The following CCDC6 variants were observed in gnomAD, a reference collection of about 807,000 sequenced individuals.
CCDC6 encodes coiled-coil domain-containing protein 6.
Under a neutral mutation model 56.6 loss-of-function variants are expected in CCDC6, and 20 were observed. That is an observed-to-expected ratio of 0.35 (90% CI 0.25 to 0.51). The LOEUF (loss-of-function observed/expected upper bound fraction) is 0.51, where lower values mean the gene tolerates loss of function less well. Among genes scored for constraint, CCDC6 ranks in the 20% least tolerant of loss-of-function variants. CCDC6 has a pLI of 0.95. For missense variants in CCDC6, 367 were observed against 601.1 expected (o/e 0.61, Z 4.07); for synonymous variants, 241 against 234.4 (o/e 1.03, Z -0.26).
intron 1 of CCDC6, among the ~76,000 whole-genome samples, chr10:59,897,942 G>C (rs1401478155): frequency 6.6e-6 from 1 of 152,148 alleles, no homozygotes; most frequent in Non-Finnish European, 1.5e-5. Flanking sequence ...AGATGCCCTG[G>C]TGGGTATTAC....
chr10:59,883,821 T>C (rs1414370723), intron 1 of CCDC6, among the ~76,000 whole-genome samples: 6 of 152,234 alleles, frequency 3.9e-5, no homozygotes, highest in African/African-American at 1.4e-4. Context: ...GAGCCTGCTT[T>C]AAGAAACTCT....
At chr10:59,871,116 GAATA>G (rs2071225609) in intron 1 of CCDC6, among the ~76,000 whole-genome samples, 1 of 152,074 alleles carries the variant, frequency 6.6e-6, no homozygotes, top group Non-Finnish European at 1.5e-5. Flanking sequence ...TATTTAACAA[GAATA>G]TATAAATAAA....
At chr10:59,842,760 T>C (rs1336378263) in intron 2 of CCDC6, among the ~76,000 whole-genome samples, 2 of 149,982 alleles carry the variant, frequency 1.3e-5, no homozygotes, top group African/African-American at 4.9e-5. Context: ...ATTTTTTTTT[T>C]TTTTTTTTTT....
chr10:59,792,543 GA>G lies in CCDC6; in HGVS notation c.*373del, dbSNP rs539168088. The G allele has an allele frequency of 1.4e-4, 74 of 522,178 alleles. No individual in the cohort carries two copies. In the Middle Eastern group the frequency reaches 1.5e-3, roughly 10 times the overall value. 32.3% of individuals were successfully genotyped at this position (522,178 alleles called of 1,614,324 possible). ...CTCAGTAATTTTCTGCAGATTCATGGAAAAAAATATAAAAAAGATATCCCTT... is the reference window on the plus strand; with the variant it reads ...CTCAGTAATTTTCTGCAGATTCATGGAAAAAATATAAAAAAGATATCCCTT... On this transcript the variant is annotated 3_prime_UTR_variant, in exon 9 of 9. Transcript: ENST00000263102.
intron 1 of CCDC6, among the ~76,000 whole-genome samples, chr10:59,881,714 C>G (rs1250338425): frequency 6.6e-6 from 1 of 152,184 alleles, no homozygotes; most frequent in East Asian, 1.9e-4. Flanking sequence ...GCTGAACATC[C>G]TGGCTGCCTA....
intron 1 of CCDC6, among the ~76,000 whole-genome samples, chr10:59,856,427 AT>A (rs2071081111): frequency 6.6e-6 from 1 of 152,148 alleles, no homozygotes; most frequent in Non-Finnish European, 1.5e-5. Context: ...ACCATGCATC[AT>A]AAAAAAAGTA....
At chr10:59,869,389 CAAAAAAAAAAAAAAAA>C (rs1167007522) in intron 1 of CCDC6, among the ~76,000 whole-genome samples, 25 of 6,100 alleles carry the variant, frequency 4.1e-3, no homozygotes, top group East Asian at 0.027. Flanking sequence ...CTTGCTCAGG[CAAAAAAAAAAAAAAAA>C]AAAAAAAAAA....
intron 2 of CCDC6, among the ~76,000 whole-genome samples, chr10:59,838,075 C>T (rs958418127): frequency 6.6e-6 from 1 of 152,090 alleles, no homozygotes; most frequent in Non-Finnish European, 1.5e-5. Context: ...ATTCAGACTC[C>T]CACTTCAAAC....
intron 2 of CCDC6, among the ~76,000 whole-genome samples, chr10:59,842,547 C>G (rs2070948765): frequency 6.6e-6 from 1 of 152,234 alleles, no homozygotes; most frequent in East Asian, 1.9e-4. Context: ...CTTGTATAAA[C>G]CCAGCATGGT....
chr10:59,862,500 A>ATTATATATATATATAT (rs1311584688), intron 1 of CCDC6, among the ~76,000 whole-genome samples: 2 of 99,278 alleles, frequency 2.0e-5, no homozygotes, highest in African/African-American at 5.4e-5. Context: ...GAAAAAAAAA[A>ATTATATATATATATAT]GTATATATAT....
intron 3 of CCDC6, among the ~76,000 whole-genome samples, chr10:59,822,720 G>A (rs930826444): frequency 6.6e-6 from 1 of 152,100 alleles, no homozygotes; most frequent in African/African-American, 2.4e-5. Flanking sequence ...CACAGTGACA[G>A]GGACAGGGGG....
intron 1 of CCDC6, among the ~76,000 whole-genome samples, chr10:59,868,327 C>T (rs1029083375): frequency 1.5e-4 from 23 of 152,120 alleles, no homozygotes; most frequent in South Asian, 1.0e-3. Context: ...ATGCTGTTTG[C>T]AAGGGTTGCT....
intron 3 of CCDC6, among the ~76,000 whole-genome samples, chr10:59,829,662 G>C (rs1817196999): frequency 6.6e-6 from 1 of 152,158 alleles, no homozygotes; most frequent in African/African-American, 2.4e-5. Flanking sequence ...AATCACAAAA[G>C]ACCACATATT....
chr10:59,834,234 A>G (rs370623136), intron 2 of CCDC6, among the ~76,000 whole-genome samples: 3 of 150,600 alleles, frequency 2.0e-5, no homozygotes, highest in African/African-American at 4.9e-5. Context: ...CAGTTTAAGG[A>G]AAAAAAAAAT....
chr10:59,889,869 G>A (rs1022984748), intron 1 of CCDC6, among the ~76,000 whole-genome samples: 2 of 152,106 alleles, frequency 1.3e-5, no homozygotes, highest in African/African-American at 2.4e-5. Flanking sequence ...TGGGAGCAGC[G>A]TTCTGCTCCT....
chr10:59,876,397 C>T (rs2071280613), intron 1 of CCDC6, among the ~76,000 whole-genome samples: 1 of 151,982 alleles, frequency 6.6e-6, no homozygotes, highest in South Asian at 2.1e-4. Flanking sequence ...TGCCCAGCTG[C>T]CTCACTAAAT....
At chr10:59,879,544 G>A (rs1236556719) in intron 1 of CCDC6, among the ~76,000 whole-genome samples, 1 of 151,852 alleles carries the variant, frequency 6.6e-6, no homozygotes, top group Non-Finnish European at 1.5e-5. Context: ...ATGACAAAGT[G>A]AGACAAAACA....
intron 7 of CCDC6, among the ~76,000 whole-genome samples, chr10:59,800,341 T>C (rs185594750): frequency 3.9e-5 from 6 of 152,338 alleles, no homozygotes; most frequent in Admixed American, 3.9e-4. Context: ...ATCCTAGCAA[T>C]GACTGATCTG....
chr10:59,886,095 G>A (rs147338955), intron 1 of CCDC6, among the ~76,000 whole-genome samples: 1 of 152,202 alleles, frequency 6.6e-6, no homozygotes, highest in East Asian at 1.9e-4. Flanking sequence ...AAGAAGACCG[G>A]CCAATATGAA....
Sources: gnomAD v4.1 joint callset for allele counts (sites outside exome capture counted in the v4.1 genomes callset) on GRCh38, gnomAD v4.1.1 for gene constraint, MANE v1.5 for transcripts, NCBI Gene and HGNC (gene_info 2026-07-23, HGNC 2026-07-21) for gene names.